ZNF594: variants seen among roughly 807,000 people sequenced by gnomAD.
The protein encoded by ZNF594 is zinc finger protein HZF18.
For missense variants in ZNF594, 1,037 were observed against 964.6 expected (o/e 1.08, Z -0.99); for synonymous variants, 336 against 309.4 (o/e 1.09, Z -0.90).
Position 5,183,164 on chromosome 17 carries a change from C to T in ZNF594, c.1093G>A (p.Glu365Lys), listed in dbSNP as rs769888807. 1 of 1,614,154 alleles carries T rather than the reference C, an allele frequency of 6.2e-7. No individual in the cohort carries two copies. The highest frequency in any genetic ancestry group is 1.7e-5 in the Admixed American group (1 of 60,026). Residue 365 changes from glutamate (E) to lysine (K), a missense_variant, in exon 2 of 2, where the codon GAA becomes AAA. Glu to Lys is a moderately conservative substitution (Grantham distance 56). Transcript: ENST00000575779. ...KTFSKDEELR[E>K]EQRIHQEEKA... Reference sequence around the variant, plus strand: ...TCTTCCTGGTGAATTCTCTGCTCTTCCCTAAGCTCCTCATCCTTGCTGAAG... The same window carrying T: ...TCTTCCTGGTGAATTCTCTGCTCTTTCCTAAGCTCCTCATCCTTGCTGAAG...
chr17:5,182,836 T>C lies in ZNF594; in HGVS notation c.1421A>G (p.His474Arg). ...ATGGATTTTCTGGTGTGTAACAAGG[T>C]GTGACCTCTGGCTAAAGGCTTTCCC... ...ECGKAFSQRS[H>R]LVTHQKIHTG... Residue 474 changes from histidine (H) to arginine (R), a missense_variant, in exon 2 of 2, where the codon CAC becomes CGC. Physicochemically the swap from His to Arg is conservative, Grantham distance 29 (BLOSUM62 0). Transcript: ENST00000575779. 3 of 1,614,116 alleles carry C rather than the reference T, an allele frequency of 1.9e-6. No individual in the cohort carries two copies. The highest frequency in any genetic ancestry group is 1.7e-6 in the Non-Finnish European group (2 of 1,180,016).
At position 5,181,508 on chromosome 17, in the gene ZNF594, G is replaced by T; in HGVS notation, c.*325C>A. 1 of 1,613,910 alleles carries T rather than the reference G, an allele frequency of 6.2e-7. No homozygotes were observed. The highest frequency in any genetic ancestry group is 8.5e-7 in the Non-Finnish European group (1 of 1,179,884). On this transcript the variant is annotated 3_prime_UTR_variant, in exon 2 of 2. Coordinates refer to ENST00000575779, the MANE Select transcript of ZNF594 (RefSeq NM_032530.2). Reference sequence around the variant, plus strand: ...CTCCAGCATGCAGTCTCTGATGTTTGAGGAAAGCTGTGTGCCACATGAAGA... The same window carrying T: ...CTCCAGCATGCAGTCTCTGATGTTTTAGGAAAGCTGTGTGCCACATGAAGA...
downstream of ZNF594, among the ~76,000 whole-genome samples, chr17:5,177,588 T>C (rs1199324794): frequency 6.6e-6 from 1 of 151,294 alleles, no homozygotes; most frequent in African/African-American, 2.4e-5. Flanking sequence ...CCTGTAATAC[T>C]AGCACTTTGG....
At position 5,183,505 on chromosome 17, in the gene ZNF594, CTT is replaced by C. The variant is rs2074363934; in HGVS notation, c.750_751del (p.Ser251HisfsTer17). 6.2e-7 allele frequency: 1 copy of C among 1,614,048 alleles called. No individual in the cohort carries two copies. The highest frequency in any genetic ancestry group is 1.7e-5 in the Admixed American group (1 of 60,008). On this transcript the variant is annotated frameshift_variant, in exon 2 of 2. Transcript: ENST00000575779. LOFTEE classifies it low-confidence loss of function (END_TRUNC). ...TCTGTGATGTATAATAAGATCTGTG[CTT>C]TGACTGAAAGCCTTCCCACATTTAT...
chr17:5,181,497 C>G lies in ZNF594; in HGVS notation c.*336G>C. ...TTCAAGTTTCTCTCCAGCATGCAGT[C>G]TCTGATGTTTGAGGAAAGCTGTGTG... is the stretch of plus-strand genomic sequence containing the variant. On this transcript the variant is annotated 3_prime_UTR_variant, in exon 2 of 2. Transcript: ENST00000575779. 1 of 1,613,892 alleles carries G rather than the reference C, an allele frequency of 6.2e-7. No individual in the cohort carries two copies.
chr17:5,183,337 T>C lies in ZNF594; in HGVS notation c.920A>G (p.His307Arg), dbSNP rs1404934024. Residue 307 changes from histidine (H) to arginine (R), a missense_variant, in exon 2 of 2, where the codon CAT becomes CGT. Transcript: ENST00000575779. The part of the protein sequence containing the change: ...CNECEKAFRQ[H>R]SHLTEHQRLH... ...TCTCTGGTGTTCAGTAAGGTGAGAA[T>C]GCTGCCTGAAGGCTTTTTCACATTC... The C allele has an allele frequency of 6.2e-7, 1 of 1,613,882 alleles. No homozygotes were observed. The highest frequency in any genetic ancestry group is 1.3e-5 in the African/African-American group (1 of 75,042).
chr17:5,175,155 C>T, downstream of ZNF594: 1 of 162,424 alleles, frequency 6.2e-6, no homozygotes, highest in Non-Finnish European at 1.4e-5. Context: ...CAGGATTCCC[C>T]AACTCCTGGG....
At chr17:5,178,601 A>G (rs2074320036), downstream of ZNF594, among the ~76,000 whole-genome samples, 1 of 152,248 alleles carries the variant, frequency 6.6e-6, no homozygotes, top group East Asian at 1.9e-4. Context: ...TAAGCAATAT[A>G]GGTGTTATTA....
rs2074351550 is a variant in ZNF594, at chr17:5,182,510, G to C, written c.1747C>G (p.Leu583Val). 1.9e-6 allele frequency: 3 copies of C among 1,614,010 alleles called. No homozygotes were observed. Among genetic ancestry groups the C allele is most frequent in the East Asian group, 2.2e-5 (1 of 44,856 alleles). ...GTATGAGTTACCTGATGTCTGATGA[G>C]GTCTGAGCTGCCCTGGAAAGCCCTA... Reference protein sequence around the residue: ...CGRAFQGSSDLIRHQVTHTRE... With the variant: ...CGRAFQGSSDVIRHQVTHTRE... Residue 583 changes from leucine to valine, a missense_variant, in exon 2 of 2, where the codon CTC becomes GTC. By Grantham distance (32) the Leu-to-Val change is conservative. Coordinates refer to ENST00000575779, the MANE Select transcript of ZNF594 (RefSeq NM_032530.2).
intron 1 of ZNF594, among the ~76,000 whole-genome samples, chr17:5,185,260 G>A (rs951485970): frequency 6.6e-6 from 1 of 152,162 alleles, no homozygotes; most frequent in Non-Finnish European, 1.5e-5. Context: ...CACATGGCTG[G>A]GAAGGCCTCA....
chr17:5,190,894 G>A (rs1358128770), intron 1 of ZNF594, among the ~76,000 whole-genome samples: 1 of 152,144 alleles, frequency 6.6e-6, no homozygotes, highest in Non-Finnish European at 1.5e-5. Flanking sequence ...AGCAGCTCCT[G>A]GGGACGCGCT....
At chr17:5,176,866 GAAA>G (rs570329467), downstream of ZNF594, among the ~76,000 whole-genome samples, 4 of 150,230 alleles carry the variant, frequency 2.7e-5, no homozygotes, top group Admixed American at 2.7e-4. Flanking sequence ...AATGAAATAG[GAAA>G]AAAAAAGCAA....
intron 1 of ZNF594, among the ~76,000 whole-genome samples, chr17:5,185,608 C>G (rs549155210): frequency 6.6e-6 from 1 of 152,304 alleles, no homozygotes; most frequent in African/African-American, 2.4e-5. Flanking sequence ...AGTCTCATCT[C>G]ATTTCAGCAT....
rs1328146961 is a variant in ZNF594, at chr17:5,181,007, G to A, written c.*826C>T. On this transcript the variant is annotated 3_prime_UTR_variant, in exon 2 of 2. Coordinates refer to ENST00000575779, the MANE Select transcript of ZNF594 (RefSeq NM_032530.2). ...ATTCCTTTCCAATGTGAAGTTTCTG[G>A]TGCTTAAGAAAAGCTGTCCACCCAC... is the stretch of plus-strand genomic sequence containing the variant. 2 of 791,626 alleles carry A rather than the reference G, an allele frequency of 2.5e-6. No homozygotes were observed. Among genetic ancestry groups the A allele is most frequent in the Non-Finnish European group, 4.3e-6 (2 of 461,926 alleles). The allele number at this position is 791,626 out of a possible 1,614,324, so 49.0% of individuals were successfully genotyped here.
chr17:5,178,271 C>T (rs1462658642), downstream of ZNF594, among the ~76,000 whole-genome samples: 10 of 151,968 alleles, frequency 6.6e-5, no homozygotes, highest in Non-Finnish European at 2.9e-5. Context: ...GATTGGTTAA[C>T]ATCCAAAAAT....
At chr17:5,175,475 T>A (rs181677120), downstream of ZNF594, among the ~76,000 whole-genome samples, 6 of 152,192 alleles carry the variant, frequency 3.9e-5, no homozygotes, top group East Asian at 1.2e-3. Flanking sequence ...ACAACACCCA[T>A]CCCTGGTGCC....
Position 5,182,368 on chromosome 17 carries a change from C to T in ZNF594, c.1889G>A (p.Gly630Glu), listed in dbSNP as rs753200627. 3.7e-6 allele frequency: 6 copies of T among 1,613,350 alleles called. No individual in the cohort carries two copies. Among genetic ancestry groups the T allele is most frequent in the Non-Finnish European group, 5.1e-6 (6 of 1,179,968 alleles). ...ATCTGAGCTACCCCTAAAAGATTTCCCACATTTGTTGCATACATAAGGTTT... is the reference window on the plus strand; with the variant it reads ...ATCTGAGCTACCCCTAAAAGATTTCTCACATTTGTTGCATACATAAGGTTT... ...GEKPYVCNKC[G>E]KSFRGSSDLI... The change falls in exon 2 of 2, where the codon GGG becomes GAG. Residue 630 changes from glycine to glutamate, a missense_variant. Gly to Glu is a moderately conservative substitution (Grantham distance 98). Coordinates refer to ENST00000575779, the MANE Select transcript of ZNF594 (RefSeq NM_032530.2).
Position 5,183,095 on chromosome 17 carries a change from T to C in ZNF594, c.1162A>G (p.Thr388Ala), listed in dbSNP as rs1301907855. 1.2e-6 allele frequency: 2 copies of C among 1,614,194 alleles called. No individual in the cohort carries two copies. Among genetic ancestry groups the C allele is most frequent in the East Asian group, 2.2e-5 (1 of 44,866 alleles). Reference sequence around the variant, plus strand: ...ACCTGATGTCTGATGAGGTCTGAGGTGCCCTGGAAATTCCTACCACACTGA... The same window carrying C: ...ACCTGATGTCTGATGAGGTCTGAGGCGCCCTGGAAATTCCTACCACACTGA... ...CNQCGRNFQGTSDLIRHQVTH... is the reference protein window; with the variant it reads ...CNQCGRNFQGASDLIRHQVTH... The change falls in exon 2 of 2, where the codon ACC (threonine) becomes GCC (alanine). Residue 388 changes from threonine to alanine, a missense_variant. Physicochemically the swap from Thr to Ala is moderately conservative, Grantham distance 58. Transcript: ENST00000575779.
rs755848469 is a variant in ZNF594 at position 5,182,015 on chromosome 17, GCTC to G, written c.2239_2241del (p.Glu747del). ...TGGTGAGTTCTCTGCTCTTTTCTAA[GCTC>G]CTCATCCTTGCTGAAGGTTTTCTCA... On this transcript the variant is annotated inframe_deletion, in exon 2 of 2. Coordinates refer to ENST00000575779, the MANE Select transcript of ZNF594 (RefSeq NM_032530.2). The G allele has an allele frequency of 3.1e-6, 5 of 1,613,398 alleles. No individual in the cohort carries two copies. The East Asian group carries it at 6.7e-5, about 22-fold the overall frequency.
Sources: allele counts gnomAD v4.1 joint callset (sites outside exome capture counted in the v4.1 genomes callset), GRCh38; gene constraint gnomAD v4.1.1; transcripts MANE v1.5; gene names NCBI Gene and HGNC (gene_info 2026-07-23, HGNC 2026-07-21).